ARMC2: variants seen among roughly 807,000 people sequenced by gnomAD.
The protein encoded by ARMC2 is armadillo repeat-containing protein 2.
ARMC2 carries 67 observed loss-of-function variants against 90.3 expected under a neutral mutation model. The observed-to-expected ratio is 0.74, with a 90% confidence interval of 0.61 to 0.91. ARMC2 has a LOEUF of 0.91. ARMC2 is among the 40% of genes least tolerant of loss of function. The pLI is 0.00. For missense variants in ARMC2, 920 were observed against 1,030.9 expected (o/e 0.89, Z 1.47); for synonymous variants, 393 against 393.0 (o/e 1.00, Z 0.00).
chr6:108,999,374 T>G, the ARMC2 span, among the ~76,000 whole-genome samples: 9 of 152,334 alleles, frequency 5.9e-5, no homozygotes, highest in East Asian at 1.5e-3. Flanking sequence ...TGTATCTTCT[T>G]GATAATATCT....
At chr6:108,994,658 T>C in the ARMC2 span, 4 of 1,404,830 alleles carry the variant, frequency 2.8e-6, no homozygotes, top group East Asian at 4.9e-5. Flanking sequence ...ATAGAATATA[T>C]ATGAATTATC....
intron 13 of ARMC2, among the ~76,000 whole-genome samples, chr6:108,955,752 A>G (rs1777532636): frequency 6.6e-6 from 1 of 152,214 alleles, no homozygotes; most frequent in African/African-American, 2.4e-5. Flanking sequence ...AGAGAAATTC[A>G]GTTTCTGTTC....
the ARMC2 span, among the ~76,000 whole-genome samples, chr6:109,047,440 C>T: frequency 7.4e-6 from 1 of 135,842 alleles, no homozygotes; most frequent in Non-Finnish European, 1.7e-5. Context: ...AGCCCCTCTG[C>T]CCGGCCAGCC....
the ARMC2 span, among the ~76,000 whole-genome samples, chr6:109,013,003 C>T: frequency 6.6e-6 from 1 of 151,758 alleles, no homozygotes; most frequent in African/African-American, 2.4e-5. Flanking sequence ...GTAGTCCCAG[C>T]TACTCTGGAG....
chr6:108,891,545 G>A (rs936200407), intron 5 of ARMC2, among the ~76,000 whole-genome samples: 2 of 152,158 alleles, frequency 1.3e-5, no homozygotes, highest in African/African-American at 4.8e-5. Flanking sequence ...CCGCATAAAT[G>A]TCTTCTTTTG....
At chr6:108,887,108 A>G (rs1010094888) in intron 5 of ARMC2, among the ~76,000 whole-genome samples, 2 of 152,012 alleles carry the variant, frequency 1.3e-5, no homozygotes, top group Non-Finnish European at 2.9e-5. Flanking sequence ...TGGTTTTGCC[A>G]TGTTGGCCAG....
the ARMC2 span, among the ~76,000 whole-genome samples, chr6:109,044,418 A>G: frequency 6.6e-6 from 1 of 151,318 alleles, no homozygotes; most frequent in African/African-American, 2.4e-5. Context: ...ATGAAATAAT[A>G]GGACATCCAT....
intron 13 of ARMC2, among the ~76,000 whole-genome samples, chr6:108,956,683 AG>A (rs930584309): frequency 7.9e-5 from 12 of 152,070 alleles, no homozygotes; most frequent in African/African-American, 2.9e-4. Context: ...CCTGGGCAAC[AG>A]AGTGAGACCC....
intron 13 of ARMC2, among the ~76,000 whole-genome samples, chr6:108,956,231 A>T (rs1777574489): frequency 6.6e-6 from 1 of 152,242 alleles, no homozygotes; most frequent in Non-Finnish European, 1.5e-5. Flanking sequence ...ACAGCCAAGG[A>T]GTAGAGTTAT....
the ARMC2 span, among the ~76,000 whole-genome samples, chr6:109,032,861 T>TA: frequency 2.6e-5 from 4 of 152,194 alleles, no homozygotes; most frequent in East Asian, 1.9e-4. Context: ...TGTAGTTTTT[T>TA]AAAAAACAAT....
the ARMC2 span, among the ~76,000 whole-genome samples, chr6:108,999,692 T>C: frequency 8.7e-3 from 1,329 of 152,270 alleles, 24 homozygotes; most frequent in African/African-American, 0.03. Flanking sequence ...AAACTGATAC[T>C]GCCCTTTGGA....
At chr6:109,032,630 G>C in the ARMC2 span, among the ~76,000 whole-genome samples, 428 of 151,830 alleles carry the variant, frequency 2.8e-3, 4 homozygotes, top group Non-Finnish European at 4.6e-3. Flanking sequence ...GGGGGGAGTG[G>C]GGGGGAAGAG....
chr6:109,000,540 T>C, the ARMC2 span: 12 of 1,611,152 alleles, frequency 7.4e-6, no homozygotes, highest in Middle Eastern at 1.7e-4. Context: ...TAACACTTTG[T>C]TAAGTTCTCC....
At chr6:109,039,275 T>G in the ARMC2 span, among the ~76,000 whole-genome samples, 3 of 152,188 alleles carry the variant, frequency 2.0e-5, no homozygotes, top group African/African-American at 7.2e-5. Context: ...CTTCACAAAT[T>G]TGTATGGAAT....
chr6:109,042,899 A>G, the ARMC2 span, among the ~76,000 whole-genome samples: 1 of 152,084 alleles, frequency 6.6e-6, no homozygotes, highest in Non-Finnish European at 1.5e-5. Flanking sequence ...AAGACAATAC[A>G]AAAAAAGAAA....
At chr6:108,985,818 C>T in the ARMC2 span, among the ~76,000 whole-genome samples, 16 of 152,076 alleles carry the variant, frequency 1.1e-4, no homozygotes, top group African/African-American at 3.4e-4. Flanking sequence ...CAGAAGAGGA[C>T]AAAGGCATGA....
At chr6:109,003,268 T>C in the ARMC2 span, among the ~76,000 whole-genome samples, 2 of 151,178 alleles carry the variant, frequency 1.3e-5, no homozygotes, top group African/African-American at 4.8e-5. Flanking sequence ...ATATATATTA[T>C]ATATATAATT....
At chr6:108,885,427 C>T (rs939744763) in intron 5 of ARMC2, among the ~76,000 whole-genome samples, 5 of 152,118 alleles carry the variant, frequency 3.3e-5, no homozygotes, top group Admixed American at 3.3e-4. Context: ...GATAATCTGG[C>T]TGGACACGGT....
At chr6:109,035,681 G>A in the ARMC2 span, among the ~76,000 whole-genome samples, 1 of 152,128 alleles carries the variant, frequency 6.6e-6, no homozygotes, top group African/African-American at 2.4e-5. Flanking sequence ...ATGCACTGCT[G>A]CCTCAAATTC....
Sources: allele counts gnomAD v4.1 joint callset (sites outside exome capture counted in the v4.1 genomes callset), GRCh38; gene constraint gnomAD v4.1.1; transcripts MANE v1.5; gene names NCBI Gene and HGNC (gene_info 2026-07-23, HGNC 2026-07-21).